The following CEACAM6 variants were observed in gnomAD, a reference collection of about 807,000 sequenced individuals.
The protein encoded by CEACAM6 is cell adhesion molecule CEACAM6.
A neutral mutation model predicts 32.4 loss-of-function variants in CEACAM6; 21 were observed. That is an observed-to-expected ratio of 0.65 (90% CI 0.46 to 0.93). The LOEUF is 0.93. Ranked by LOEUF, CEACAM6 falls within the 40% of genes least tolerant of loss-of-function variation. The probability of loss-of-function intolerance (pLI) is 0.00; values close to 1 mark genes in which losing one functional copy is unlikely to be tolerated. For missense variants in CEACAM6, 406 were observed against 432.2 expected, an observed-to-expected ratio of 0.94 and a Z score of 0.54; for synonymous variants, 184 against 174.4, an observed-to-expected ratio of 1.06 and a Z score of -0.43.
chr19:41,766,245 G>T lies in CEACAM6; in HGVS notation c.1021G>T (p.Val341Leu), dbSNP rs2072955154. The change falls in exon 5 of 6, where the codon GTG becomes TTG. Residue 341 changes from valine to leucine, a missense_variant. Val to Leu is a conservative substitution (Grantham distance 32). Coordinates refer to ENST00000199764, the MANE Select transcript of CEACAM6 (RefSeq NM_002483.7). ...VGITIGVLARVALI is the reference protein window; with the variant it reads ...VGITIGVLARLALI ...CATCACGATTGGAGTGCTGGCCAGG[G>T]TGGCTCTGATATAGCAGCCCTGGTG... The T allele has an allele frequency of 3.1e-6, 5 of 1,601,612 alleles. No individual in the cohort carries two copies. The highest frequency in any genetic ancestry group is 3.3e-4 in the Middle Eastern group (2 of 6,040).
intron 2 of CEACAM6, among the ~76,000 whole-genome samples, chr19:41,758,264 G>T (rs568083740): frequency 6.6e-6 from 1 of 152,164 alleles, no homozygotes; most frequent in African/African-American, 2.4e-5. Flanking sequence ...GGATAAAGGA[G>T]AGGACTTTGC....
At chr19:41,766,850 C>CA (rs1600500266) in intron 5 of CEACAM6, among the ~76,000 whole-genome samples, 1 of 151,800 alleles carries the variant, frequency 6.6e-6, no homozygotes, top group Non-Finnish European at 1.5e-5. Context: ...AGTAAAAATA[C>CA]AAAAAATTAT....
At position 41,755,691 on chromosome 19, in the gene CEACAM6, T is replaced by C. The variant is rs782262362; in HGVS notation, c.53T>C (p.Val18Ala). The C allele has an allele frequency of 6.2e-7, 1 of 1,604,114 alleles. No individual in the cohort carries two copies. The highest frequency in any genetic ancestry group is 8.5e-7 in the Non-Finnish European group (1 of 1,176,030). The part of the protein sequence containing the change: ...PCRLHVPWKE[V>A]LLTASLLTFW... ...AGATTGCATGTCCCCTGGAAGGAGGTCCTGCTCACAGGTGAGGGGAGGACT... is the reference window on the plus strand; with the variant it reads ...AGATTGCATGTCCCCTGGAAGGAGGCCCTGCTCACAGGTGAGGGGAGGACT... The change falls in exon 1 of 6, where the codon GTC (valine) becomes GCC (alanine). Residue 18 changes from valine (V) to alanine (A), a missense_variant. Physicochemically the swap from Val to Ala is moderately conservative, Grantham distance 64. Transcript: ENST00000199764.
In CEACAM6 at chr19:41,760,858, G is replaced by C. The variant is rs2072918322; in HGVS notation, c.425-391G>C. Among the ~76,000 whole-genome samples, 4 of 140,156 alleles carry C rather than the reference G, an allele frequency of 2.9e-5. No individual in the cohort carries two copies. The South Asian group carries it at 8.4e-4, about 30-fold the overall frequency. The allele number at this position is 140,156 out of a possible 152,430, so 91.9% of individuals were successfully genotyped here. Reference sequence around the variant, plus strand: ...GGAAGCCACACAGAAAATACAGCTAGGGGGGCAAAGTAGGACTAAAGCTTG... The same window carrying C: ...GGAAGCCACACAGAAAATACAGCTACGGGGGCAAAGTAGGACTAAAGCTTG... On this transcript the variant is annotated intron_variant, in intron 2 of 5. Coordinates refer to ENST00000199764, the MANE Select transcript of CEACAM6 (RefSeq NM_002483.7).
At chr19:41,758,446 C>T (rs1437868242) in intron 2 of CEACAM6, among the ~76,000 whole-genome samples, 1 of 152,156 alleles carries the variant, frequency 6.6e-6, no homozygotes, top group Non-Finnish European at 1.5e-5. Context: ...CTGGCCACAC[C>T]TGTTTCTTGT....
At chr19:41,769,274 A>G (rs559590851) in intron 5 of CEACAM6, among the ~76,000 whole-genome samples, 25 of 152,146 alleles carry the variant, frequency 1.6e-4, no homozygotes, top group Non-Finnish European at 3.2e-4. Context: ...TTCCTTCCTT[A>G]AAGCATTTGC....
At position 41,763,873 on chromosome 19, in the gene CEACAM6, C is replaced by G. The variant is rs555153965; in HGVS notation, c.958+1650C>G. Among the ~76,000 whole-genome samples the G allele has an allele frequency of 2.0e-5, 3 of 152,330 alleles. No individual in the cohort carries two copies. In the South Asian group the frequency reaches 6.2e-4, roughly 32 times the overall value. On this transcript the variant is annotated intron_variant, in intron 4 of 5. Transcript: ENST00000199764. Reference sequence around the variant, plus strand: ...CATATAAGTTTAAGTTATCTGTGAACAGAGATAATTTTACTTCTTTCCGAT... The same window carrying G: ...CATATAAGTTTAAGTTATCTGTGAAGAGAGATAATTTTACTTCTTTCCGAT...
At chr19:41,768,073 TTTTATTTTTA>T (rs2072966723) in intron 5 of CEACAM6, among the ~76,000 whole-genome samples, 1 of 152,088 alleles carries the variant, frequency 6.6e-6, no homozygotes, top group African/African-American at 2.4e-5. Context: ...CTTTTTTTAT[TTTTATTTTTA>T]TTTATTTTTA....
chr19:41,768,251 C>T (rs1555822565), intron 5 of CEACAM6, among the ~76,000 whole-genome samples: 5 of 151,786 alleles, frequency 3.3e-5, no homozygotes, highest in Admixed American at 6.6e-5. Context: ...CTGCGGCCTT[C>T]CGCAGTGTTT....
intron 4 of CEACAM6, among the ~76,000 whole-genome samples, 176 bp downstream of exon 4, chr19:41,762,399 G>GT (rs1187703719): frequency 6.6e-6 from 1 of 151,946 alleles, no homozygotes; most frequent in Admixed American, 6.6e-5. Flanking sequence ...TTGTTTTTTT[G>GT]TTTTTTGTTG....
At chr19:41,763,012 G>A (rs2072936096) in intron 4 of CEACAM6, among the ~76,000 whole-genome samples, 2 of 152,156 alleles carry the variant, frequency 1.3e-5, no homozygotes, top group African/African-American at 2.4e-5. Flanking sequence ...TGGAGACATA[G>A]GGAGATTCAG....
At chr19:41,755,829 C>G in intron 1 of CEACAM6, 127 bp downstream of exon 1, 1 of 657,052 alleles carries the variant, frequency 1.5e-6, no homozygotes, top group Non-Finnish European at 2.5e-6. Flanking sequence ...AAACAGAACA[C>G]CAGAGAGGGA....
chr19:41,762,058 C>G lies in CEACAM6; in HGVS notation c.793C>G (p.Pro265Ala). ...LNLSCHAASN[P>A]PAQYSWFING... Reference sequence around the variant, plus strand: ...CCTCTCCTGCCACGCAGCCTCTAACCCACCTGCACAGTACTCTTGGTTTAT... The same window carrying G: ...CCTCTCCTGCCACGCAGCCTCTAACGCACCTGCACAGTACTCTTGGTTTAT... Residue 265 changes from proline (P) to alanine (A), a missense_variant, in exon 4 of 6, where the codon CCA (proline) becomes GCA (alanine). Pro to Ala is a conservative substitution (Grantham distance 27). Transcript: ENST00000199764. 4.3e-6 allele frequency: 7 copies of G among 1,614,188 alleles called. No homozygotes were observed. The highest frequency in any genetic ancestry group is 5.9e-6 in the Non-Finnish European group (7 of 1,180,032).
intron 5 of CEACAM6, among the ~76,000 whole-genome samples, chr19:41,766,862 C>G (rs906564865): frequency 2.0e-5 from 3 of 151,980 alleles, no homozygotes; most frequent in Non-Finnish European, 2.9e-5. Flanking sequence ...AAAAATTATT[C>G]AGGCATGGTG....
intron 1 of CEACAM6, 58 bp from the exon 2 acceptor site, chr19:41,756,542 T>C: frequency 6.4e-7 from 1 of 1,565,252 alleles, no homozygotes; most frequent in Non-Finnish European, 8.6e-7. Context: ...CAGGGCCCTG[T>C]TTTTCCACCC....
intron 2 of CEACAM6, among the ~76,000 whole-genome samples, chr19:41,760,897 C>A (rs953943846): frequency 6.6e-6 from 1 of 152,196 alleles, no homozygotes; most frequent in African/African-American, 2.4e-5. Flanking sequence ...AGACCCAGCA[C>A]CTGAATGTTT....
rs1366834064 is a variant in CEACAM6, at chr19:41,772,078, TTTC to T, written c.*1318_*1320del. 6.6e-6 allele frequency: 1 copy of T among 152,246 alleles called. No individual in the cohort carries two copies. The highest frequency in any genetic ancestry group is 2.4e-5 in the African/African-American group (1 of 41,472). 9.4% of individuals were successfully genotyped at this position (152,246 alleles called of 1,614,324 possible). The stretch of plus-strand genomic sequence containing the variant: ...CAATGTATTTATTTCTGTGGTTCTG[TTTC>T]CTTGTTCCAATTTGACAAAACCCAC... On this transcript the variant is annotated 3_prime_UTR_variant, in exon 6 of 6. Coordinates refer to ENST00000199764, the MANE Select transcript of CEACAM6 (RefSeq NM_002483.7).
In CEACAM6 at chr19:41,762,088, G is replaced by A; in HGVS notation, c.823G>A (p.Gly275Arg). ...PPAQYSWFIN[G>R]TFQQSTQELF... Reference sequence around the variant, plus strand: ...TGCACAGTACTCTTGGTTTATCAATGGGACGTTCCAGCAATCCACACAAGA... The same window carrying A: ...TGCACAGTACTCTTGGTTTATCAATAGGACGTTCCAGCAATCCACACAAGA... Residue 275 changes from glycine to arginine, a missense_variant, in exon 4 of 6, where the codon GGG becomes AGG. Gly to Arg is a moderately radical substitution (Grantham distance 125). Transcript: ENST00000199764. The A allele has an allele frequency of 6.2e-7, 1 of 1,614,144 alleles. No homozygotes were observed. Among genetic ancestry groups the A allele is most frequent in the Admixed American group, 1.7e-5 (1 of 60,020 alleles).
At chr19:41,768,600 C>T (rs1283034952) in intron 5 of CEACAM6, among the ~76,000 whole-genome samples, 1 of 152,270 alleles carries the variant, frequency 6.6e-6, no homozygotes, top group African/African-American at 2.4e-5. Flanking sequence ...GGCCCGTTCT[C>T]AATGAGCTGT....
Sources: gnomAD v4.1 joint callset for allele counts (sites outside exome capture counted in the v4.1 genomes callset) on GRCh38, gnomAD v4.1.1 for gene constraint, MANE v1.5 for transcripts, NCBI Gene and HGNC (gene_info 2026-07-23, HGNC 2026-07-21) for gene names.